Variants in CSMD1 observed in about 807,000 individuals in gnomAD.
The protein encoded by CSMD1 is CUB and sushi domain-containing protein 1.
A neutral mutation model predicts 417.5 loss-of-function variants in CSMD1; 213 were observed. The observed-to-expected ratio is 0.51, with a 90% CI of 0.46 to 0.57. The LOEUF is 0.57. Ranked by LOEUF, CSMD1 falls within the 20% of genes least tolerant of loss-of-function variation. CSMD1 has a pLI of 0.00. For synonymous variants in CSMD1, 2,862 were observed against 1,736.8 expected (o/e 1.65, Z -16.11); for missense variants, 6,923 against 4,529.7 (o/e 1.53, Z -15.17).
intron 37 of CSMD1, among the ~76,000 whole-genome samples, chr8:3,170,560 C>T (rs1355279615): frequency 2.6e-5 from 4 of 152,198 alleles, no homozygotes; most frequent in African/African-American, 9.7e-5. Context: ...TCCCATAGCA[C>T]AGAATATACT....
At chr8:4,505,962 G>C (rs1802504166) in intron 2 of CSMD1, among the ~76,000 whole-genome samples, 1 of 151,856 alleles carries the variant, frequency 6.6e-6, no homozygotes, top group Admixed American at 6.6e-5. Context: ...CCACGCCTGG[G>C]TAATTTTTGT....
intron 1 of CSMD1, among the ~76,000 whole-genome samples, chr8:4,968,014 T>C (rs1444708491): frequency 6.6e-6 from 1 of 152,182 alleles, no homozygotes; most frequent in Admixed American, 6.5e-5. Flanking sequence ...CATCATTTTA[T>C]ATAATTGAAT....
At chr8:3,394,205 A>C (rs1363672984) in intron 17 of CSMD1, among the ~76,000 whole-genome samples, 1 of 147,050 alleles carries the variant, frequency 6.8e-6, no homozygotes, top group African/African-American at 2.5e-5. Flanking sequence ...TTAAGATTAT[A>C]AAAATAGTTG....
At chr8:3,649,618 TCACC>T (rs1440469916) in intron 7 of CSMD1, among the ~76,000 whole-genome samples, 3 of 148,174 alleles carry the variant, frequency 2.0e-5, no homozygotes, top group Admixed American at 6.6e-5. Flanking sequence ...GAGAACTTAC[TCACC>T]ATCATGAGAA....
intron 11 of CSMD1, among the ~76,000 whole-genome samples, chr8:3,492,255 T>C (rs775956167): frequency 3.3e-5 from 5 of 152,114 alleles, no homozygotes; most frequent in Non-Finnish European, 7.4e-5. Context: ...GCCGCTGAGC[T>C]CTTCTGCTCT....
At chr8:4,893,055 A>G (rs1696406653) in intron 1 of CSMD1, among the ~76,000 whole-genome samples, 1 of 152,132 alleles carries the variant, frequency 6.6e-6, no homozygotes, top group Non-Finnish European at 1.5e-5. Context: ...TCCAGGAATG[A>G]GGGCTGTGTC....
chr8:4,157,060 G>A (rs1003131148), intron 3 of CSMD1, among the ~76,000 whole-genome samples: 5 of 152,138 alleles, frequency 3.3e-5, no homozygotes, highest in Non-Finnish European at 5.9e-5. Context: ...CTGTAGACCA[G>A]AACAGGGATG....
At chr8:3,958,428 T>C (rs1457281103) in intron 5 of CSMD1, among the ~76,000 whole-genome samples, 2 of 151,722 alleles carry the variant, frequency 1.3e-5, no homozygotes, top group Middle Eastern at 3.4e-3. Context: ...CATGGAAGCA[T>C]GTGCACGTTT....
chr8:3,353,347 T>A (rs113817343), intron 21 of CSMD1, among the ~76,000 whole-genome samples: 8 of 152,350 alleles, frequency 5.3e-5, no homozygotes, highest in African/African-American at 1.9e-4. Flanking sequence ...AAGCTTCTTA[T>A]CTCCATTCCT....
intron 1 of CSMD1, among the ~76,000 whole-genome samples, chr8:4,743,775 C>T (rs971012161): frequency 6.6e-6 from 1 of 152,158 alleles, no homozygotes; most frequent in Admixed American, 6.5e-5. Flanking sequence ...TTGCCTATTA[C>T]ACTTGAGAGG....
intron 3 of CSMD1, among the ~76,000 whole-genome samples, chr8:4,181,833 C>T (rs868612558): frequency 6.6e-6 from 1 of 152,050 alleles, no homozygotes; most frequent in Admixed American, 6.5e-5. Flanking sequence ...AATATACATT[C>T]GTACAAATAA....
At chr8:4,529,922 T>C (rs983507561) in intron 2 of CSMD1, among the ~76,000 whole-genome samples, 3 of 151,726 alleles carry the variant, frequency 2.0e-5, no homozygotes, top group South Asian at 2.1e-4. Flanking sequence ...TTTATTTTTG[T>C]TTGTCTGTTT....
intron 6 of CSMD1, among the ~76,000 whole-genome samples, chr8:3,714,134 G>A (rs555020862): frequency 2.0e-5 from 3 of 149,634 alleles, no homozygotes; most frequent in African/African-American, 7.3e-5. Flanking sequence ...TAACATATAA[G>A]TTTATACGTA....
At chr8:4,193,513 A>T (rs558127625) in intron 3 of CSMD1, among the ~76,000 whole-genome samples, 1 of 152,096 alleles carries the variant, frequency 6.6e-6, no homozygotes, top group African/African-American at 2.4e-5. Flanking sequence ...AGTCTTGCTG[A>T]TATTACCCAA....
At chr8:3,613,716 CA>C (rs1189078216) in intron 8 of CSMD1, among the ~76,000 whole-genome samples, 3 of 109,098 alleles carry the variant, frequency 2.7e-5, no homozygotes, top group Non-Finnish European at 4.1e-5. Context: ...CACACACACA[CA>C]CACACACACA....
In CSMD1 at chr8:4,787,437, G is replaced by A. The variant is rs960172987; in HGVS notation, c.86-149879C>T. The A allele has an allele frequency of 3.9e-5, 30 of 760,442 alleles. No individual in the cohort carries two copies. The African/African-American group carries it at 5.0e-4, about 13-fold the overall frequency. 47.1% of individuals were successfully genotyped at this position (760,442 alleles called of 1,614,324 possible). On this transcript the variant is annotated intron_variant, in intron 1 of 69. Coordinates refer to ENST00000635120, the MANE Select transcript of CSMD1 (RefSeq NM_033225.6). ...CAGTCCAAGGACAAGATTACAGCAG[G>A]AAATGTAGCTAGAAAGAATCACCTG...
intron 1 of CSMD1, among the ~76,000 whole-genome samples, chr8:4,851,528 G>T (rs1307317409): frequency 6.6e-6 from 1 of 151,688 alleles, no homozygotes; most frequent in East Asian, 1.9e-4. Context: ...ACATTCTCCA[G>T]GGTTGAGGTA....
At chr8:4,646,926 C>A (rs943443818) in intron 1 of CSMD1, among the ~76,000 whole-genome samples, 1 of 152,174 alleles carries the variant, frequency 6.6e-6, no homozygotes, top group South Asian at 2.1e-4. Context: ...AAAATTAGTA[C>A]ACACATTTTT....
intron 7 of CSMD1, among the ~76,000 whole-genome samples, chr8:3,661,117 C>T (rs543458789): frequency 6.6e-6 from 1 of 152,318 alleles, no homozygotes; most frequent in South Asian, 2.1e-4. Flanking sequence ...TTAAAGCAAA[C>T]TAAATATAGC....
Sources: allele counts gnomAD v4.1 joint callset (sites outside exome capture counted in the v4.1 genomes callset), GRCh38; gene constraint gnomAD v4.1.1; transcripts MANE v1.5; gene names NCBI Gene and HGNC (gene_info 2026-07-23, HGNC 2026-07-21).